CD96: variants seen among roughly 807,000 people sequenced by gnomAD.
The protein encoded by CD96 is T-cell surface protein tactile.
In CD96, 70 loss-of-function variants were observed where a neutral mutation model predicts 71.3. The observed-to-expected ratio is 0.98, with a 90% CI of 0.81 to 1.20. The LOEUF is 1.20. Among genes scored for constraint, CD96 ranks in the 50% most tolerant of loss-of-function variants. The pLI is 0.00. For missense variants in CD96, 742 were observed against 677.5 expected (o/e 1.10, Z -1.06); for synonymous variants, 248 against 233.0 (o/e 1.06, Z -0.59).
At chr3:111,566,824 A>G (rs921658466) in intron 2 of CD96, among the ~76,000 whole-genome samples, 5 of 152,166 alleles carry the variant, frequency 3.3e-5, no homozygotes, top group Non-Finnish European at 7.4e-5. Flanking sequence ...CTCTGGGAAG[A>G]CTGTTAGATA....
chr3:111,620,998 C>T (rs1173303479), intron 8 of CD96, among the ~76,000 whole-genome samples: 2 of 152,200 alleles, frequency 1.3e-5, no homozygotes, highest in Non-Finnish European at 2.9e-5. Flanking sequence ...AATTCCCAAT[C>T]AAGTTATACT....
chr3:111,563,212 A>C (rs73228135), intron 2 of CD96, among the ~76,000 whole-genome samples: 5,538 of 152,320 alleles, frequency 0.036, 153 homozygotes, highest in Non-Finnish European at 0.056. Flanking sequence ...TTCAACATGC[A>C]TTTCAGAGGG....
rs116657550 is a variant in CD96, at chr3:111,554,300, C to G, written c.418+8898C>G. On this transcript the variant is annotated intron_variant, in intron 2 of 13. Coordinates refer to ENST00000352690, the MANE Select transcript of CD96 (RefSeq NM_005816.5). ...AAGTTTTTACCCCATCAAATTAGTTCTTAATTTCTGATATTGTATTTTTAA... is the reference window on the plus strand; with the variant it reads ...AAGTTTTTACCCCATCAAATTAGTTGTTAATTTCTGATATTGTATTTTTAA... 5.4e-3 allele frequency among the ~76,000 whole-genome samples: 814 copies of G among 152,058 alleles called. 10 individuals carry two copies. Among genetic ancestry groups the G allele is most frequent in the African/African-American group, 0.018 (765 of 41,500 alleles).
chr3:111,594,346 G>A (rs576117528), intron 5 of CD96: 14 of 951,128 alleles, frequency 1.5e-5, no homozygotes, highest in Admixed American at 2.9e-5. Flanking sequence ...GCCACACCTG[G>A]GTGGTGTGAG....
Position 111,664,673 on chromosome 3 carries a change from C to CA in CD96, c.*53-846dup, listed in dbSNP as rs935611108. ...CTAAAATAAAAGTTGAAATTTTAAA[C>CA]AAAAAAAAGGTATATTAAAAAGGGA... On this transcript the variant is annotated intron_variant and NMD_transcript_variant, in intron 14 of 14. Transcript: ENST00000494798. Among the ~76,000 whole-genome samples, 217 of 150,322 alleles carry CA rather than the reference C, an allele frequency of 1.4e-3. 1 individual carries two copies. Among genetic ancestry groups the CA allele is most frequent in the African/African-American group, 4.9e-3 (199 of 40,956 alleles).
At chr3:111,549,606 A>G (rs1240347238) in intron 2 of CD96, among the ~76,000 whole-genome samples, 1 of 152,162 alleles carries the variant, frequency 6.6e-6, no homozygotes. Context: ...GTACAGTGGC[A>G]ATGAACTAGA....
At chr3:111,606,242 T>C (rs1937620831) in intron 7 of CD96, among the ~76,000 whole-genome samples, 1 of 152,224 alleles carries the variant, frequency 6.6e-6, no homozygotes, top group Admixed American at 6.5e-5. Flanking sequence ...AATTGGGTAG[T>C]TGTATCATTG....
At chr3:111,632,404 C>T (rs1047459467) in intron 10 of CD96, among the ~76,000 whole-genome samples, 6 of 151,986 alleles carry the variant, frequency 3.9e-5, no homozygotes, top group East Asian at 3.9e-4. Context: ...AAATGCAAAT[C>T]GAAACCGCAA....
chr3:111,542,501 G>C (rs1658289103), intron 1 of CD96, among the ~76,000 whole-genome samples, 192 bp downstream of exon 1: 1 of 152,112 alleles, frequency 6.6e-6, no homozygotes, highest in South Asian at 2.1e-4. Flanking sequence ...GATTACTAAT[G>C]AACACTAAAA....
chr3:111,659,997 G>C (rs1010808397), intron 14 of CD96, among the ~76,000 whole-genome samples: 3 of 152,134 alleles, frequency 2.0e-5, no homozygotes, highest in African/African-American at 7.2e-5. Context: ...CACCACTCCT[G>C]TTATACATAG....
intron 2 of CD96, among the ~76,000 whole-genome samples, chr3:111,553,515 T>C (rs976570511): frequency 2.3e-4 from 35 of 151,116 alleles, no homozygotes; most frequent in African/African-American, 7.5e-4. Context: ...TACATGATAT[T>C]AAGAGCCACT....
At chr3:111,594,267 A>G in intron 5 of CD96, 1 of 1,495,196 alleles carries the variant, frequency 6.7e-7, no homozygotes, top group Non-Finnish European at 9.0e-7. Context: ...TTTGAACCAC[A>G]AGATTAAATA....
At chr3:111,649,363 T>C (rs768361978) in intron 13 of CD96, among the ~76,000 whole-genome samples, 6 of 152,158 alleles carry the variant, frequency 3.9e-5, no homozygotes, top group Non-Finnish European at 7.4e-5. Flanking sequence ...ACAAAGTAAA[T>C]AATGTTATGA....
chr3:111,593,322 G>A, intron 5 of CD96: 1 of 434,602 alleles, frequency 2.3e-6, no homozygotes, highest in South Asian at 9.8e-5. Flanking sequence ...TCTTTAATAG[G>A]TACATTTTAG....
At chr3:111,616,616 T>A (rs1264422341) in intron 8 of CD96, among the ~76,000 whole-genome samples, 1 of 152,074 alleles carries the variant, frequency 6.6e-6, no homozygotes, top group African/African-American at 2.4e-5. Flanking sequence ...ATAAATATAG[T>A]CTTTAGTGTC....
intron 10 of CD96, among the ~76,000 whole-genome samples, chr3:111,629,488 AC>A (rs371569422): frequency 3.3e-5 from 5 of 152,196 alleles, no homozygotes; most frequent in African/African-American, 9.6e-5. Flanking sequence ...ATATATGCAC[AC>A]ATACAGGAGC....
chr3:111,593,501 A>G, intron 5 of CD96: 1 of 1,500,904 alleles, frequency 6.7e-7, no homozygotes, highest in Non-Finnish European at 8.9e-7. Flanking sequence ...TCTTTTCTAC[A>G]AGTCTAGAGT....
At chr3:111,629,000 G>C (rs924134770) in intron 10 of CD96, among the ~76,000 whole-genome samples, 3 of 152,132 alleles carry the variant, frequency 2.0e-5, no homozygotes, top group Admixed American at 2.0e-4. Context: ...CTTTAGAAGA[G>C]GTCCTGAAGG....
intron 10 of CD96, chr3:111,635,003 C>T (rs1052968597): frequency 1.3e-5 from 2 of 153,050 alleles, no homozygotes; most frequent in African/African-American, 2.4e-5. Context: ...AATTAGATCC[C>T]TAAATGATAG....
Sources: gnomAD v4.1 joint callset for allele counts (sites outside exome capture counted in the v4.1 genomes callset) on GRCh38, gnomAD v4.1.1 for gene constraint, MANE v1.5 for transcripts, NCBI Gene and HGNC (gene_info 2026-07-23, HGNC 2026-07-21) for gene names.